TRIM66: variants seen among roughly 807,000 people sequenced by gnomAD.
The protein encoded by TRIM66 is tripartite motif-containing protein 66.
A neutral mutation model predicts 148.2 loss-of-function variants in TRIM66; 99 were observed. That is an observed-to-expected ratio of 0.67 (90% confidence interval 0.57 to 0.79). TRIM66 has a LOEUF of 0.79. Among genes scored for constraint, TRIM66 ranks in the 30% least tolerant of loss-of-function variants. The pLI is 0.00. For synonymous variants in TRIM66, 616 were observed against 635.9 expected (o/e 0.97, Z 0.47); for missense variants, 1,666 against 1,697.9 (o/e 0.98, Z 0.33).
chr11:8,675,667 C>T (rs551194766), intron 3 of TRIM66, among the ~76,000 whole-genome samples: 10 of 152,314 alleles, frequency 6.6e-5, no homozygotes, highest in Admixed American at 2.0e-4. Flanking sequence ...CAGGCATGAG[C>T]CATCGCACCC....
At position 8,614,350 on chromosome 11, in the gene TRIM66, A is replaced by AAAAAT. The variant is rs1555027054; in HGVS notation, c.*3593_*3594insATTTT. 75 of 151,156 alleles carry AAAAAT rather than the reference A, an allele frequency of 5.0e-4. No individual in the cohort carries two copies. The highest frequency in any genetic ancestry group is 1.8e-3 in the African/African-American group (74 of 40,740). The allele number at this position is 151,156 out of a possible 1,614,324, so 9.4% of individuals were successfully genotyped here. On this transcript the variant is annotated 3_prime_UTR_variant, in exon 25 of 25. Transcript: ENST00000646038. ...TGAGACTCTCTCTCTCAAAAAATAAAAAATAAATAAATAAATAAATAAATA... is the reference window on the plus strand; with the variant it reads ...TGAGACTCTCTCTCTCAAAAAATAAAAAAATAAATAAATAAATAAATAAATAAATA...
At chr11:8,642,969 C>T in intron 13 of TRIM66, 40 bp downstream of exon 13, 1 of 1,466,902 alleles carries the variant, frequency 6.8e-7, no homozygotes. Context: ...AGTCAAAGCC[C>T]ACAGGGTGGG....
chr11:8,679,690 C>T lies in TRIM66; in HGVS notation c.-260G>A, dbSNP rs2039329138. ...AGCTCATTTCTTGTGCACTTACTGG[C>T]CAGTTTTGATGTCAAATAGACGACG... is the stretch of plus-strand genomic sequence containing the variant. On this transcript the variant is annotated 5_prime_UTR_variant, in exon 3 of 25. Transcript: ENST00000646038. 6.6e-6 allele frequency: 1 copy of T among 152,662 alleles called. No individual in the cohort carries two copies. Among genetic ancestry groups the T allele is most frequent in the African/African-American group, 2.4e-5 (1 of 41,424 alleles). The allele number at this position is 152,662 out of a possible 1,614,324, so 9.5% of individuals were successfully genotyped here.
At chr11:8,682,570 C>T (rs2039493806) in intron 1 of TRIM66, 31 bp downstream of exon 1, 1 of 588,350 alleles carries the variant, frequency 1.7e-6, no homozygotes, top group South Asian at 2.0e-5. Context: ...CAACAGTTCT[C>T]GCCCTCCGAG....
intron 3 of TRIM66, among the ~76,000 whole-genome samples, chr11:8,676,312 A>G (rs1313402243): frequency 6.6e-6 from 1 of 152,112 alleles, no homozygotes; most frequent in Non-Finnish European, 1.5e-5. Flanking sequence ...CCAAAACATC[A>G]GCAGTTTTAC....
chr11:8,628,707 T>G (rs1184876432), intron 15 of TRIM66, among the ~76,000 whole-genome samples: 1 of 151,448 alleles, frequency 6.6e-6, no homozygotes, highest in Non-Finnish European at 1.5e-5. Context: ...CATACCTCTC[T>G]GGGCTTACTC....
chr11:8,624,571 G>C lies in TRIM66; in HGVS notation c.2827-20C>G. On this transcript the variant is annotated intron_variant, in intron 16 of 24. Transcript: ENST00000646038. ...TTCCATCTTTCAAAAGTGAAATGTC[G>C]ACAAGAATCAAAGAACTCAGACATG... 6.6e-7 allele frequency: 1 copy of C among 1,518,096 alleles called. No individual in the cohort carries two copies. Among genetic ancestry groups the C allele is most frequent in the Non-Finnish European group, 8.8e-7 (1 of 1,132,280 alleles). The allele number at this position is 1,518,096 out of a possible 1,614,324, so 94.0% of individuals were successfully genotyped here. A position where few individuals can be genotyped will look rare whatever the true frequency, so the allele number is the denominator to read the frequency against.
intron 4 of TRIM66, among the ~76,000 whole-genome samples, chr11:8,673,107 T>A (rs1159412340): frequency 6.6e-6 from 1 of 151,434 alleles, no homozygotes; most frequent in African/African-American, 2.4e-5. Flanking sequence ...CCTGGCTAAT[T>A]TTTTTTGTAT....
chr11:8,630,935 G>A (rs1013501648), intron 15 of TRIM66, among the ~76,000 whole-genome samples: 9 of 152,082 alleles, frequency 5.9e-5, no homozygotes, highest in Admixed American at 5.9e-4. Flanking sequence ...CCTGAATTCT[G>A]CTTGACCTGT....
chr11:8,664,829 A>C (rs2038488757), intron 6 of TRIM66, among the ~76,000 whole-genome samples: 1 of 152,180 alleles, frequency 6.6e-6, no homozygotes, highest in Admixed American at 6.5e-5. Flanking sequence ...ACATCCCCTC[A>C]GTTCCAAGCC....
At chr11:8,618,668 G>A (rs1334329622) in intron 24 of TRIM66, 82 bp downstream of exon 24, 1 of 1,309,780 alleles carries the variant, frequency 7.6e-7, no homozygotes, top group African/African-American at 1.5e-5. Context: ...CACCCGAACA[G>A]CTTCACCTTA....
chr11:8,619,270 G>T, intron 23 of TRIM66, 113 bp downstream of exon 23: 1 of 1,246,032 alleles, frequency 8.0e-7, no homozygotes, highest in Non-Finnish European at 1.1e-6. Context: ...CCCAGAATCT[G>T]CTCCCCAGTC....
intron 6 of TRIM66, among the ~76,000 whole-genome samples, chr11:8,670,621 A>G (rs2038879966): frequency 1.3e-5 from 2 of 152,262 alleles, no homozygotes; most frequent in African/African-American, 4.8e-5. Flanking sequence ...AGCCAATATT[A>G]ACAAAATTTG....
intron 12 of TRIM66, 52 bp downstream of exon 12, chr11:8,645,689 A>C (rs993646794): frequency 3.5e-5 from 54 of 1,546,886 alleles, no homozygotes; most frequent in Non-Finnish European, 4.3e-5. Context: ...GACAAAGGGG[A>C]TGCTCTGATA....
At chr11:8,682,113 T>G (rs752176813) in intron 1 of TRIM66, among the ~76,000 whole-genome samples, 27 of 152,132 alleles carry the variant, frequency 1.8e-4, no homozygotes, top group African/African-American at 5.3e-4. Flanking sequence ...AAAAGGACCA[T>G]AAAGCAACCA....
chr11:8,624,521 C>T lies in TRIM66; in HGVS notation c.2857G>A (p.Asp953Asn), dbSNP rs762202525. The change falls in exon 17 of 25, where the codon GAC becomes AAC. Residue 953 changes from aspartate (D) to asparagine (N), a missense_variant. Physicochemically the swap from Asp to Asn is conservative, Grantham distance 23. This residue lies in a region of TRIM66 where 1,431 missense variants were observed against 1,412.4 expected (regional missense o/e 1.01). Coordinates refer to ENST00000646038, the MANE Select transcript of TRIM66 (RefSeq NM_001388022.1). ...ACTATGGGACCTTGTCCCAGTAAGT[C>T]AGTGAAGCGAGTGGAATCCTCACTT... ...MESEDSTRFT[D>N]LLGQGPIVPG... 3.7e-5 allele frequency: 57 copies of T among 1,535,238 alleles called. No individual in the cohort carries two copies. Among genetic ancestry groups the T allele is most frequent in the Non-Finnish European group, 4.8e-5 (55 of 1,142,490 alleles).
chr11:8,682,488 A>G (rs2039487783), intron 1 of TRIM66, 113 bp downstream of exon 1: 2 of 451,202 alleles, frequency 4.4e-6, no homozygotes, highest in Admixed American at 8.4e-5. Flanking sequence ...TCCCTGACCA[A>G]GGCGCCAGAA....
At chr11:8,648,119 G>A in intron 9 of TRIM66, 33 bp from the exon 10 acceptor site, 1 of 1,517,474 alleles carries the variant, frequency 6.6e-7, no homozygotes, top group Non-Finnish European at 9.0e-7. Context: ...AGCTGAGAAG[G>A]GCTGAGTCCT....
intron 15 of TRIM66, among the ~76,000 whole-genome samples, chr11:8,633,761 C>G (rs1174311990): frequency 1.3e-5 from 2 of 152,176 alleles, no homozygotes; most frequent in Non-Finnish European, 2.9e-5. Flanking sequence ...TATTTACTCA[C>G]AGTTACCAGG....
Sources: gnomAD v4.1 joint callset for allele counts (sites outside exome capture counted in the v4.1 genomes callset) on GRCh38, gnomAD v4.1.1 for gene constraint, gnomAD v4.1.1 regional missense constraint, MANE v1.5 for transcripts, NCBI Gene and HGNC (gene_info 2026-07-23, HGNC 2026-07-21) for gene names.